Variants in SMG7 observed in about 807,000 individuals in gnomAD.
SMG7 encodes nonsense-mediated mRNA decay factor SMG7.
A neutral mutation model predicts 148.2 loss-of-function variants in SMG7; 34 were observed. The ratio of observed to expected loss-of-function variants is 0.23; its 90% confidence interval spans 0.17 to 0.31. SMG7 has a LOEUF of 0.31. Among genes scored for constraint, SMG7 ranks in the 10% least tolerant of loss-of-function variants. The probability of loss-of-function intolerance (pLI) is 1.00; values close to 1 mark genes in which losing one functional copy is unlikely to be tolerated. For synonymous variants in SMG7, 492 were observed against 515.1 expected, an observed-to-expected ratio of 0.96 and a Z score of 0.61; for missense variants, 1,114 against 1,408.4, an observed-to-expected ratio of 0.79 and a Z score of 3.35.
Position 183,542,439 on chromosome 1 carries a change from T to A in SMG7, c.1779T>A (p.Thr593=), listed in dbSNP as rs1219325120. 6.2e-7 allele frequency: 1 copy of A among 1,613,966 alleles called. No homozygotes were observed. Among genetic ancestry groups the A allele is most frequent in the African/African-American group, 1.3e-5 (1 of 74,984 alleles). Residue 593 remains threonine (T), a synonymous_variant, in exon 14 of 23, where the codon ACT becomes ACA. Coordinates refer to ENST00000688051, the MANE Select transcript of SMG7 (RefSeq NM_001375584.1). ...AGAAGGACAACAACAAGAGGAAAAC[T>A]GAAACCAAGAAATGCACCTTAGAAA... The part of the protein sequence containing the change: ...DGKKDNNKRK[T]ETKKCTLEKL...
At chr1:183,529,367 T>A in intron 7 of SMG7, 31 bp from the exon 8 acceptor site, 1 of 1,604,968 alleles carries the variant, frequency 6.2e-7, no homozygotes, top group East Asian at 2.2e-5. Flanking sequence ...TTGCTGCTTA[T>A]GATTCATGGA....
Position 183,515,162 on chromosome 1 carries a change from A to T in SMG7, c.62-712A>T, listed in dbSNP as rs192760556. ...TGTGTAGTCATAGCCTGACTTTCTG[A>T]TTACATTCTACACCCAGTCTCTCAT... On this transcript the variant is annotated intron_variant, in intron 2 of 22. Transcript: ENST00000688051. Among the ~76,000 whole-genome samples the T allele has an allele frequency of 3.5e-4, 53 of 152,256 alleles. 1 individual carries two copies. The East Asian group carries it at 7.1e-3, about 20-fold the overall frequency.
chr1:183,517,773 G>A lies in SMG7; in HGVS notation c.265G>A (p.Ala89Thr). Residue 89 changes from alanine to threonine, a missense_variant, in exon 4 of 23, where the codon GCA becomes ACA. By Grantham distance (58) the Ala-to-Thr change is moderately conservative. Transcript: ENST00000688051. Reference protein sequence around the residue: ...RANPNRSEVQANLSLFLEAAS... With the variant: ...RANPNRSEVQTNLSLFLEAAS... ...AAATCCGAATCGGAGTGAAGTTCAG[G>A]CAAACCTTTCTCTGTTCCTAGAGGC... is the stretch of plus-strand genomic sequence containing the variant. 7 of 1,614,104 alleles carry A rather than the reference G, an allele frequency of 4.3e-6. No homozygotes were observed. The highest frequency in any genetic ancestry group is 5.1e-6 in the Non-Finnish European group (6 of 1,179,986).
Position 183,533,083 on chromosome 1 carries a change from C to A in SMG7, c.844-81C>A. ...CTATTACACATGGTGGTTCTAAATG[C>A]AGACTACCAGTTTAATTTCTTGTGT... On this transcript the variant is annotated intron_variant, in intron 8 of 22. Transcript: ENST00000688051. 5.9e-6 allele frequency: 7 copies of A among 1,186,792 alleles called. No individual in the cohort carries two copies. The South Asian group carries it at 7.1e-5, about 12-fold the overall frequency. 73.5% of individuals were successfully genotyped at this position (1,186,792 alleles called of 1,614,324 possible).
chr1:183,505,194 G>C (rs1427982741), intron 1 of SMG7, among the ~76,000 whole-genome samples: 3 of 151,470 alleles, frequency 2.0e-5, no homozygotes, highest in African/African-American at 7.3e-5. Flanking sequence ...CCTAAGAGTT[G>C]ACGTAAACTT....
chr1:183,472,816 G>A (rs1651013471), intron 1 of SMG7, 167 bp downstream of exon 1: 6 of 537,712 alleles, frequency 1.1e-5, no homozygotes, highest in African/African-American at 2.0e-5. Flanking sequence ...GGGCGGAACG[G>A]GTATGGGTGC....
rs1311845203 is a variant in SMG7, at chr1:183,526,669, T to C, written c.386T>C (p.Ile129Thr). ...GTGAAGTCTTCCCAATTGGGAATTATCAGCAATAAACAGACGCATACCAGC... is the reference window on the plus strand; with the variant it reads ...GTGAAGTCTTCCCAATTGGGAATTACCAGCAATAAACAGACGCATACCAGC... ...CRVKSSQLGI[I>T]SNKQTHTSAI... Residue 129 changes from isoleucine to threonine, a missense_variant, in exon 5 of 23, where the codon ATC (isoleucine) becomes ACC (threonine). Ile to Thr is a moderately conservative substitution (Grantham distance 89, BLOSUM62 -1). Coordinates refer to ENST00000688051, the MANE Select transcript of SMG7 (RefSeq NM_001375584.1). The C allele has an allele frequency of 3.7e-6, 6 of 1,613,518 alleles. No homozygotes were observed. The Admixed American group carries it at 5.0e-5, about 13-fold the overall frequency.
rs1283859889 is a variant in SMG7 at position 183,541,054 on chromosome 1, C to T, written c.1366C>T (p.Gln456Ter). 1 of 1,613,604 alleles carries T rather than the reference C, an allele frequency of 6.2e-7. No individual in the cohort carries two copies. The highest frequency in any genetic ancestry group is 8.5e-7 in the Non-Finnish European group (1 of 1,179,518). ...AGAAGGCCAGCAACGACGAATACGACAGCAACGCTTGATCTCTATAGGCAA... is the reference window on the plus strand; with the variant it reads ...AGAAGGCCAGCAACGACGAATACGATAGCAACGCTTGATCTCTATAGGCAA... ...DKEGQQRRIR[Q>*]QRLISIGKWI... Residue 456 changes from glutamine to a stop codon, truncating the protein, a stop_gained, in exon 13 of 23, where the codon CAG (glutamine) becomes TAG (stop). Coordinates refer to ENST00000688051, the MANE Select transcript of SMG7 (RefSeq NM_001375584.1). LOFTEE classifies it high-confidence loss of function.
At chr1:183,499,767 C>T (rs1214677082) in intron 1 of SMG7, among the ~76,000 whole-genome samples, 1 of 152,076 alleles carries the variant, frequency 6.6e-6, no homozygotes, top group African/African-American at 2.4e-5. Flanking sequence ...ATTACCATTT[C>T]CAAATAAATT....
chr1:183,550,034 T>G, intron 20 of SMG7, 111 bp downstream of exon 20: 1 of 775,328 alleles, frequency 1.3e-6, no homozygotes, highest in South Asian at 2.7e-5. Flanking sequence ...GTTATTTTTA[T>G]TTTTTGTTTG....
intron 1 of SMG7, among the ~76,000 whole-genome samples, chr1:183,473,411 G>T (rs1651272344): frequency 6.6e-6 from 1 of 151,954 alleles, no homozygotes; most frequent in Non-Finnish European, 1.5e-5. Context: ...TGACACATGG[G>T]AATAGTGTGT....
At chr1:183,476,745 TTTG>T (rs150582391) in intron 1 of SMG7, among the ~76,000 whole-genome samples, 13,121 of 152,210 alleles carry the variant, frequency 0.086, 641 homozygotes, top group East Asian at 0.23. Flanking sequence ...TTGAAAATAC[TTTG>T]TTATGTTTTA....
In SMG7 at chr1:183,472,604, G is replaced by A. The variant is rs1282641165; in HGVS notation, c.-17G>A. The A allele has an allele frequency of 3.6e-6, 5 of 1,379,650 alleles. No individual in the cohort carries two copies. Among genetic ancestry groups the A allele is most frequent in the East Asian group, 2.9e-5 (1 of 34,572 alleles). The allele number at this position is 1,379,650 out of a possible 1,614,324, so 85.5% of individuals were successfully genotyped here. A position where few individuals can be genotyped will look rare whatever the true frequency, so the allele number is the denominator to read the frequency against. On this transcript the variant is annotated 5_prime_UTR_variant, in exon 1 of 23. Coordinates refer to ENST00000688051, the MANE Select transcript of SMG7 (RefSeq NM_001375584.1). ...CCACGGAGGCTTCGCGGGAAGACGC[G>A]GCGGCGGCGGCGGAGGATGAGCCTG...
intron 1 of SMG7, among the ~76,000 whole-genome samples, chr1:183,506,137 T>C (rs1660841753): frequency 6.6e-6 from 1 of 152,212 alleles, no homozygotes; most frequent in South Asian, 2.1e-4. Flanking sequence ...TTATTTCTTC[T>C]GCTTGGAAGA....
intron 1 of SMG7, among the ~76,000 whole-genome samples, chr1:183,511,138 CA>C (rs563052787): frequency 2.9e-3 from 402 of 140,382 alleles, no homozygotes; most frequent in Admixed American, 2.5e-3. Flanking sequence ...CTCTCTCTCT[CA>C]AAAAAAAAAA....
At chr1:183,515,253 A>T (rs1250769810) in intron 2 of SMG7, among the ~76,000 whole-genome samples, 1 of 150,838 alleles carries the variant, frequency 6.6e-6, no homozygotes, top group Non-Finnish European at 1.5e-5. Context: ...ACTAATGTGG[A>T]TTGCTCACAA....
chr1:183,552,130 C>A lies in SMG7; in HGVS notation c.*199C>A. Reference sequence around the variant, plus strand: ...CAAAAAGAAAAATCCATCAGGAACTCTCCGTCCCCCCGGGGCCCTCCGGAG... The same window carrying A: ...CAAAAAGAAAAATCCATCAGGAACTATCCGTCCCCCCGGGGCCCTCCGGAG... On this transcript the variant is annotated 3_prime_UTR_variant, in exon 23 of 23. Coordinates refer to ENST00000688051, the MANE Select transcript of SMG7 (RefSeq NM_001375584.1). The A allele has an allele frequency of 7.8e-7, 1 of 1,274,270 alleles. No homozygotes were observed. The allele number at this position is 1,274,270 out of a possible 1,614,324, so 78.9% of individuals were successfully genotyped here.
chr1:183,542,074 A>T lies in SMG7; in HGVS notation c.1416-2A>T. On this transcript the variant is annotated splice_acceptor_variant, in intron 13 of 22. Coordinates refer to ENST00000688051, the MANE Select transcript of SMG7 (RefSeq NM_001375584.1). LOFTEE classifies it high-confidence loss of function. The stretch of plus-strand genomic sequence containing the variant: ...TATATGGATTTATTTTTGCTTTTTT[A>T]GGCTGATTCAGTGTGAAAATGAGGT... 1 of 1,593,192 alleles carries T rather than the reference A, an allele frequency of 6.3e-7. No individual in the cohort carries two copies. Among genetic ancestry groups the T allele is most frequent in the Non-Finnish European group, 8.5e-7 (1 of 1,170,838 alleles).
At chr1:183,497,567 T>TTTTA (rs569846205) in intron 1 of SMG7, among the ~76,000 whole-genome samples, 1 of 152,108 alleles carries the variant, frequency 6.6e-6, no homozygotes, top group Non-Finnish European at 1.5e-5. Flanking sequence ...TTATTTTTTA[T>TTTTA]TTTATTTATT....
Sources: allele counts gnomAD v4.1 joint callset (sites outside exome capture counted in the v4.1 genomes callset), GRCh38; gene constraint gnomAD v4.1.1; transcripts MANE v1.5; gene names NCBI Gene and HGNC (gene_info 2026-07-23, HGNC 2026-07-21).